ERBB4: variants seen among roughly 807,000 people sequenced by gnomAD.
ERBB4 encodes the protein receptor tyrosine-protein kinase erbB-4.
Under a neutral mutation model 158.0 loss-of-function variants are expected in ERBB4, and 42 were observed. That is an observed-to-expected ratio of 0.27 (90% CI 0.21 to 0.34). The LOEUF is 0.34. ERBB4 is among the 10% of genes least tolerant of loss of function. The pLI, the probability that ERBB4 is intolerant of heterozygous loss-of-function variation, is 1.00. For missense variants in ERBB4, 1,333 were observed against 1,624.1 expected (o/e 0.82, Z 3.08); for synonymous variants, 583 against 558.7 (o/e 1.04, Z -0.61).
At chr2:211,483,881 A>G (rs2065142432) in intron 20 of ERBB4, among the ~76,000 whole-genome samples, 1 of 152,148 alleles carries the variant, frequency 6.6e-6, no homozygotes, top group Non-Finnish European at 1.5e-5. Flanking sequence ...TGTTGAGAAT[A>G]ATACAAGTAA....
chr2:211,532,095 T>C (rs2066514656), intron 20 of ERBB4, among the ~76,000 whole-genome samples: 1 of 151,830 alleles, frequency 6.6e-6, no homozygotes, highest in South Asian at 2.1e-4. Flanking sequence ...ATTAAAACAA[T>C]TGAACTCAAG....
rs573903828 is a variant in ERBB4, at chr2:211,771,643, C to T, written c.556+16382G>A. ...GATGCTGAAGAGTCAAATGCTTTTT[C>T]TTTACAAATTTTGAGCTAAGCTGCC... On this transcript the variant is annotated intron_variant, in intron 4 of 27. Transcript: ENST00000342788. 3.3e-5 allele frequency among the ~76,000 whole-genome samples: 5 copies of T among 152,064 alleles called. No homozygotes were observed. The East Asian group carries it at 9.6e-4, about 29-fold the overall frequency.
chr2:212,496,478 A>G lies in ERBB4; in HGVS notation c.82+41971T>C, dbSNP rs140723852. ...AAAAAGTAGACTCTGATAAAAACTT[A>G]CGGGCATTATATATTGAACAGAGAC... On this transcript the variant is annotated intron_variant, in intron 1 of 27. Coordinates refer to ENST00000342788, the MANE Select transcript of ERBB4 (RefSeq NM_005235.3). Among the ~76,000 whole-genome samples the G allele has an allele frequency of 5.9e-5, 9 of 152,306 alleles. No individual in the cohort carries two copies. The East Asian group carries it at 1.7e-3, about 29-fold the overall frequency.
chr2:211,481,169 T>C (rs2065073262), intron 20 of ERBB4, among the ~76,000 whole-genome samples: 1 of 152,150 alleles, frequency 6.6e-6, no homozygotes, highest in African/African-American at 2.4e-5. Context: ...TGAATACCAC[T>C]TTGAACTTAG....
intron 7 of ERBB4, among the ~76,000 whole-genome samples, chr2:211,721,427 C>A (rs2074085165): frequency 2.7e-5 from 2 of 72,880 alleles, no homozygotes; most frequent in Non-Finnish European, 2.4e-5. Context: ...GGAAATGTCC[C>A]ATTGGTTACT....
chr2:212,244,448 A>G (rs1180992538), intron 1 of ERBB4, among the ~76,000 whole-genome samples: 1 of 152,210 alleles, frequency 6.6e-6, no homozygotes, highest in Non-Finnish European at 1.5e-5. Context: ...ATTTGAGATC[A>G]GAATTAACTA....
chr2:211,735,144 TG>T (rs1421818553), intron 5 of ERBB4, among the ~76,000 whole-genome samples: 2 of 151,704 alleles, frequency 1.3e-5, no homozygotes, highest in Non-Finnish European at 2.9e-5. Flanking sequence ...TATAAAAAAA[TG>T]TAGGTTGAGG....
intron 1 of ERBB4, among the ~76,000 whole-genome samples, chr2:212,380,123 C>G (rs2090455726): frequency 6.6e-6 from 1 of 151,206 alleles, no homozygotes; most frequent in Non-Finnish European, 1.5e-5. Context: ...CACACACAAA[C>G]AGACACACAT....
chr2:212,510,759 A>G (rs1308698378), intron 1 of ERBB4, among the ~76,000 whole-genome samples: 1 of 152,036 alleles, frequency 6.6e-6, no homozygotes, highest in East Asian at 1.9e-4. Context: ...ACATGACATA[A>G]TATTTCATTC....
intron 2 of ERBB4, among the ~76,000 whole-genome samples, chr2:212,021,552 C>A (rs183219673): frequency 2.0e-5 from 3 of 151,976 alleles, no homozygotes; most frequent in Admixed American, 2.0e-4. Context: ...CATTTCTCAC[C>A]ACTTATACAA....
intron 3 of ERBB4, among the ~76,000 whole-genome samples, chr2:211,840,562 G>A (rs2077448557): frequency 6.6e-6 from 1 of 151,902 alleles, no homozygotes; most frequent in East Asian, 1.9e-4. Flanking sequence ...GCATAAAATT[G>A]GCTTTAAAAA....
chr2:211,376,753 C>T lies in ERBB4; in HGVS notation c.*6862G>A, dbSNP rs536442908. ...CTTTTTTTGTGCTATGAATTGTCTT[C>T]CACATTGATCTCATTTTCATTTGAT... On this transcript the variant is annotated 3_prime_UTR_variant, in exon 28 of 28. Transcript: ENST00000342788. 1.8e-4 allele frequency: 42 copies of T among 233,104 alleles called. 2 individuals carry two copies. The South Asian group carries it at 3.1e-3, about 17-fold the overall frequency. 14.4% of individuals were successfully genotyped at this position (233,104 alleles called of 1,614,324 possible).
chr2:211,890,673 G>C (rs1338494285), intron 3 of ERBB4, among the ~76,000 whole-genome samples: 2 of 132,552 alleles, frequency 1.5e-5, no homozygotes, highest in Non-Finnish European at 3.2e-5. Context: ...CTCACGTGCA[G>C]AGACACACAT....
intron 1 of ERBB4, among the ~76,000 whole-genome samples, chr2:212,180,259 T>C (rs141570481): frequency 1.3e-3 from 192 of 151,842 alleles, no homozygotes; most frequent in African/African-American, 4.4e-3. Flanking sequence ...GAAGATAAAC[T>C]TCACTAAATA....
At chr2:211,413,757 GTTT>G (rs1188010683) in intron 25 of ERBB4, among the ~76,000 whole-genome samples, 2 of 152,050 alleles carry the variant, frequency 1.3e-5, no homozygotes, top group Non-Finnish European at 2.9e-5. Flanking sequence ...GCTAATCTGG[GTTT>G]TTGTTTGACG....
intron 18 of ERBB4, among the ~76,000 whole-genome samples, chr2:211,621,874 G>T (rs1390569713): frequency 6.6e-6 from 1 of 152,184 alleles, no homozygotes; most frequent in Non-Finnish European, 1.5e-5. Flanking sequence ...CAGGCAGGAA[G>T]CCCTAATATT....
In ERBB4 at chr2:212,513,147, A is replaced by G. The variant is rs117035888; in HGVS notation, c.82+25302T>C. 7.4e-4 allele frequency among the ~76,000 whole-genome samples: 112 copies of G among 152,294 alleles called. 2 individuals carry two copies. In the East Asian group the frequency reaches 0.019, roughly 26 times the overall value. On this transcript the variant is annotated intron_variant, in intron 1 of 27. Transcript: ENST00000342788. ...TTACCATTTACCATAAAATTTGGAA[A>G]GTATCTATTTTTGCATCTGTCTTCC...
chr2:212,521,402 A>G (rs1400169112), intron 1 of ERBB4, among the ~76,000 whole-genome samples: 3 of 151,872 alleles, frequency 2.0e-5, no homozygotes, highest in Non-Finnish European at 2.9e-5. Flanking sequence ...ATGACAGTCC[A>G]TGTGTACAAT....
At chr2:212,538,335 G>C in intron 1 of ERBB4, 114 bp downstream of exon 1, 2 of 906,820 alleles carry the variant, frequency 2.2e-6, no homozygotes, top group South Asian at 2.6e-5. Flanking sequence ...AAGAGGCCCC[G>C]GTCAAGCGGT....
Sources: allele counts gnomAD v4.1 joint callset (sites outside exome capture counted in the v4.1 genomes callset), GRCh38; gene constraint gnomAD v4.1.1; transcripts MANE v1.5; gene names NCBI Gene and HGNC (gene_info 2026-07-23, HGNC 2026-07-21).